The following PPP2R5C variants were observed in gnomAD, a reference collection of about 807,000 sequenced individuals.
PPP2R5C encodes the protein protein phosphatase 2 regulatory subunit B'gamma.
In PPP2R5C, 7 loss-of-function variants were observed where a neutral mutation model predicts 68.9. That is an observed-to-expected ratio of 0.10 (90% CI 0.06 to 0.19). The LOEUF is 0.19. PPP2R5C is among the 10% of genes least tolerant of loss of function. The probability of loss-of-function intolerance (pLI) is 1.00; values close to 1 mark genes in which losing one functional copy is unlikely to be tolerated. For missense variants in PPP2R5C, 348 were observed against 641.3 expected, an observed-to-expected ratio of 0.54 and a Z score of 4.94; for synonymous variants, 210 against 222.2, an observed-to-expected ratio of 0.95 and a Z score of 0.49.
At chr14:101,822,275 G>A (rs938615795) in intron 1 of PPP2R5C, among the ~76,000 whole-genome samples, 17 of 152,186 alleles carry the variant, frequency 1.1e-4, no homozygotes, top group African/African-American at 4.1e-4. Context: ...ATTTTAGAGG[G>A]AATTGGAAGA....
intron 2 of PPP2R5C, among the ~76,000 whole-genome samples, chr14:101,878,170 T>C (rs2140859751): frequency 6.6e-6 from 1 of 152,350 alleles, no homozygotes; most frequent in Non-Finnish European, 1.5e-5. Flanking sequence ...ACACTAATCC[T>C]GGAGGGCCAA....
chr14:101,779,498 A>G (rs1391594900), intron 2 of PPP2R5C, among the ~76,000 whole-genome samples: 3 of 152,190 alleles, frequency 2.0e-5, no homozygotes, highest in African/African-American at 7.2e-5. Context: ...GGGAACGGGA[A>G]GAGGGCATTT....
intron 8 of PPP2R5C, 24 bp from the exon 11 acceptor site, chr14:101,901,695 C>T (rs1205430161): frequency 1.9e-6 from 3 of 1,611,368 alleles, no homozygotes; most frequent in Non-Finnish European, 2.5e-6. Context: ...GCATCAGTCA[C>T]TCCACGTGTC....
upstream of PPP2R5C, among the ~76,000 whole-genome samples, chr14:101,805,297 C>T (rs917876743): frequency 5.3e-5 from 8 of 152,110 alleles, no homozygotes; most frequent in African/African-American, 1.9e-4. Flanking sequence ...AACTCTTGAC[C>T]TCAAGTGATC....
chr14:101,776,202 A>G (rs1464619094), intron 2 of PPP2R5C, among the ~76,000 whole-genome samples: 1 of 152,108 alleles, frequency 6.6e-6, no homozygotes, highest in African/African-American at 2.4e-5. Context: ...GACAGATAAT[A>G]CTGAGTTTGA....
chr14:101,777,781 G>C (rs1306115676), intron 2 of PPP2R5C, among the ~76,000 whole-genome samples: 1 of 152,096 alleles, frequency 6.6e-6, no homozygotes, highest in African/African-American at 2.4e-5. Context: ...TATGACCCTT[G>C]TTTTTTGTTG....
intron 2 of PPP2R5C, among the ~76,000 whole-genome samples, chr14:101,771,860 G>C (rs2037166356): frequency 6.6e-6 from 1 of 152,002 alleles, no homozygotes; most frequent in Admixed American, 6.5e-5. Context: ...GAAGGGGTTA[G>C]ACCTGCCCTG....
At chr14:101,814,760 G>A (rs1195411121) in intron 1 of PPP2R5C, among the ~76,000 whole-genome samples, 1 of 152,190 alleles carries the variant, frequency 6.6e-6, no homozygotes, top group Non-Finnish European at 1.5e-5. Context: ...AAAGTGGTTT[G>A]GGATACATCC....
chr14:101,910,529 C>G (rs546951520), intron 11 of PPP2R5C, among the ~76,000 whole-genome samples: 1 of 152,188 alleles, frequency 6.6e-6, no homozygotes, highest in African/African-American at 2.4e-5. Flanking sequence ...ATGAATAAAA[C>G]CCACAAAAAT....
upstream of PPP2R5C, among the ~76,000 whole-genome samples, chr14:101,809,392 TAA>T (rs549966280): frequency 6.0e-5 from 7 of 116,602 alleles, no homozygotes; most frequent in South Asian, 2.7e-4. Context: ...AACCATTTGT[TAA>T]AAAAAAAAAA....
At chr14:101,898,264 C>T (rs904461897) in intron 8 of PPP2R5C, among the ~76,000 whole-genome samples, 2 of 152,092 alleles carry the variant, frequency 1.3e-5, no homozygotes, top group Non-Finnish European at 2.9e-5. Context: ...GCGTATTTCT[C>T]ATATCCTGTA....
intron 1 of PPP2R5C, chr14:101,836,726 G>A (rs1457870006): frequency 8.7e-6 from 2 of 230,700 alleles, no homozygotes; most frequent in African/African-American, 2.3e-5. Context: ...CCTAAGAAGA[G>A]ATAGGTAATA....
intron 5 of PPP2R5C, among the ~76,000 whole-genome samples, chr14:101,886,140 G>A (rs1595471480): frequency 6.6e-6 from 1 of 152,166 alleles, no homozygotes; most frequent in Admixed American, 6.5e-5. Flanking sequence ...AATTAGCCGG[G>A]CGTGGTGGCG....
At chr14:101,918,099 T>C in intron 13 of PPP2R5C, 152 bp downstream of exon 15, 1 of 1,064,752 alleles carries the variant, frequency 9.4e-7, no homozygotes, top group Non-Finnish European at 1.3e-6. Context: ...ATTGTATCGA[T>C]AGATCTTAGT....
At chr14:101,801,860 A>G (rs1171409375) in intron 3 of PPP2R5C, among the ~76,000 whole-genome samples, 1 of 152,260 alleles carries the variant, frequency 6.6e-6, no homozygotes, top group East Asian at 1.9e-4. Flanking sequence ...CATAGGGAAT[A>G]TCAAAGAGAT....
chr14:101,766,895 A>C lies in PPP2R5C; in HGVS notation c.93+3925A>C, dbSNP rs943829263. The C allele has an allele frequency of 2.6e-4, 40 of 152,220 alleles. 3 individuals are homozygous for C. The highest frequency in any genetic ancestry group is 1.5e-5 in the Non-Finnish European group (1 of 68,034). The allele number at this position is 152,220 out of a possible 1,614,324, so 9.4% of individuals were successfully genotyped here. ...TTAATAAATTGCTCTGAGTTTCCTCAAGTCCATTTTGTAAGATCAGACCAT... is the reference window on the plus strand; with the variant it reads ...TTAATAAATTGCTCTGAGTTTCCTCCAGTCCATTTTGTAAGATCAGACCAT... On this transcript the variant is annotated intron_variant, in intron 2 of 14. Transcript: ENST00000328724.
At chr14:101,831,994 C>T (rs1433150967) in intron 1 of PPP2R5C, among the ~76,000 whole-genome samples, 5 of 152,182 alleles carry the variant, frequency 3.3e-5, no homozygotes, top group Non-Finnish European at 1.5e-5. Flanking sequence ...AAGATTCTAA[C>T]CCTGAGCTTC....
upstream of PPP2R5C, among the ~76,000 whole-genome samples, chr14:101,805,087 T>C (rs185558662): frequency 2.0e-5 from 3 of 152,318 alleles, no homozygotes; most frequent in Admixed American, 2.0e-4. Context: ...TGCACTGTTT[T>C]TTGTTTTTTA....
chr14:101,870,390 C>G (rs1181399584), intron 2 of PPP2R5C, among the ~76,000 whole-genome samples: 2 of 152,030 alleles, frequency 1.3e-5, no homozygotes, highest in African/African-American at 2.4e-5. Context: ...TATGGATTTC[C>G]AATTGTTCTG....
Sources: gnomAD v4.1 joint callset for allele counts (sites outside exome capture counted in the v4.1 genomes callset) on GRCh38, gnomAD v4.1.1 for gene constraint, MANE v1.5 for transcripts, NCBI Gene and HGNC (gene_info 2026-07-23, HGNC 2026-07-21) for gene names.